GABRG3: variants seen among roughly 807,000 people sequenced by gnomAD.
The protein encoded by GABRG3 is gamma-aminobutyric acid receptor subunit gamma-3.
In GABRG3, 25 loss-of-function variants were observed where a neutral mutation model predicts 48.8. That is an observed-to-expected ratio of 0.51 (90% CI 0.37 to 0.72). GABRG3 has a LOEUF of 0.72. Ranked by LOEUF, GABRG3 falls within the 30% of genes least tolerant of loss-of-function variation. GABRG3 has a pLI of 0.00. For missense variants in GABRG3, 394 were observed against 577.9 expected, an observed-to-expected ratio of 0.68 and a Z score of 3.26; for synonymous variants, 227 against 217.6, an observed-to-expected ratio of 1.04 and a Z score of -0.38.
intron 3 of GABRG3, among the ~76,000 whole-genome samples, chr15:27,263,865 G>T (rs1890835786): frequency 1.3e-5 from 2 of 151,604 alleles, no homozygotes; most frequent in Admixed American, 1.3e-4. Context: ...GGCGGAGCTT[G>T]TAGTGAGCCG....
chr15:27,387,706 G>GT (rs1895967297), intron 5 of GABRG3, among the ~76,000 whole-genome samples: 1 of 149,002 alleles, frequency 6.7e-6, no homozygotes, highest in South Asian at 2.1e-4. Flanking sequence ...GCAGGCCTCT[G>GT]TCCCCCAGTC....
At chr15:27,066,628 G>C (rs1896742287) in intron 3 of GABRG3, among the ~76,000 whole-genome samples, 1 of 152,126 alleles carries the variant, frequency 6.6e-6, no homozygotes, top group Non-Finnish European at 1.5e-5. Context: ...AGACCTCTTA[G>C]TCTGAGAGCA....
Position 27,538,939 on chromosome 15 carries a change from A to C in GABRG3, c.*6058A>C, listed in dbSNP as rs1891607333. 1 of 152,140 alleles carries C rather than the reference A, an allele frequency of 6.6e-6. No homozygotes were observed. The highest frequency in any genetic ancestry group is 1.5e-5 in the Non-Finnish European group (1 of 68,024). 9.4% of individuals were successfully genotyped at this position (152,140 alleles called of 1,614,324 possible). The stretch of plus-strand genomic sequence containing the variant: ...GATACATGAGCGAGCCCACAGCACA[A>C]TTATTGCAGTCCCCAAGATGTCAGT... On this transcript the variant is annotated 3_prime_UTR_variant, in exon 10 of 10. Transcript: ENST00000615808.
At chr15:27,329,980 G>C (rs1033336976) in intron 5 of GABRG3, among the ~76,000 whole-genome samples, 1 of 152,142 alleles carries the variant, frequency 6.6e-6, no homozygotes, top group African/African-American at 2.4e-5. Context: ...GGTGGCTCAC[G>C]CCTGTAATCC....
intron 3 of GABRG3, among the ~76,000 whole-genome samples, chr15:27,312,234 T>C (rs1893021514): frequency 6.6e-6 from 1 of 151,992 alleles, no homozygotes; most frequent in Non-Finnish European, 1.5e-5. Flanking sequence ...TGAAGACAGG[T>C]CACTGAAGAT....
chr15:27,309,194 T>C (rs1469982355), intron 3 of GABRG3, among the ~76,000 whole-genome samples: 1 of 147,428 alleles, frequency 6.8e-6, no homozygotes, highest in African/African-American at 2.5e-5. Flanking sequence ...ACACATATAA[T>C]GTAAACATAG....
chr15:27,171,772 A>G (rs1887580744), intron 3 of GABRG3, among the ~76,000 whole-genome samples: 1 of 152,052 alleles, frequency 6.6e-6, no homozygotes, highest in African/African-American at 2.4e-5. Flanking sequence ...CTGCCTTTCT[A>G]TGTGCAGTGA....
intron 3 of GABRG3, among the ~76,000 whole-genome samples, chr15:27,162,013 C>T (rs1887210313): frequency 6.6e-6 from 1 of 151,926 alleles, no homozygotes; most frequent in Non-Finnish European, 1.5e-5. Flanking sequence ...CTTACACATA[C>T]ACTATAATTT....
In GABRG3 at chr15:26,976,373, GC is replaced by G. The variant is rs1422874844; in HGVS notation, c.54-628del. 6.6e-6 allele frequency among the ~76,000 whole-genome samples: 1 copy of G among 152,220 alleles called. No homozygotes were observed. The highest frequency in any genetic ancestry group is 1.5e-5 in the Non-Finnish European group (1 of 68,034). ...GATGAATCAGTTTGTGTTGACCGAG[GC>G]GTGCAAGATTGCTAGAGGGTCTTCA... On this transcript the variant is annotated intron_variant, in intron 1 of 9. Coordinates refer to ENST00000615808, the MANE Select transcript of GABRG3 (RefSeq NM_033223.5). This position sits in a 1 kb window ranked among gnomAD's most constrained non-coding sequence, Gnocchi z 7.8.
At position 26,977,066 on chromosome 15, in the gene GABRG3, C is replaced by G; in HGVS notation, c.118C>G (p.Pro40Ala). ...SSSNQKWVLA[P>A]KSQDTDVTLI... is the part of the protein sequence containing the mutation. ...ATCAAACCAAAAGTGGGTCTTGGCTCCAAAATCCCAAGACACCGACGTGAC... is the reference window on the plus strand; with the variant it reads ...ATCAAACCAAAAGTGGGTCTTGGCTGCAAAATCCCAAGACACCGACGTGAC... Residue 40 changes from proline to alanine, a missense_variant, in exon 2 of 10, where the codon CCA becomes GCA. Physicochemically the swap from Pro to Ala is conservative, Grantham distance 27 (BLOSUM62 -1). Coordinates refer to ENST00000615808, the MANE Select transcript of GABRG3 (RefSeq NM_033223.5). The G allele has an allele frequency of 6.2e-7, 1 of 1,613,798 alleles. No homozygotes were observed. The highest frequency in any genetic ancestry group is 8.5e-7 in the Non-Finnish European group (1 of 1,179,798).
intron 3 of GABRG3, among the ~76,000 whole-genome samples, chr15:27,324,957 G>C (rs1165370894): frequency 8.3e-6 from 1 of 120,414 alleles, no homozygotes; most frequent in African/African-American, 4.6e-5. Flanking sequence ...CCATTTAGAG[G>C]CTTTAGCAAT....
chr15:27,272,912 G>A (rs1269929281), intron 3 of GABRG3, among the ~76,000 whole-genome samples: 5 of 152,184 alleles, frequency 3.3e-5, no homozygotes, highest in African/African-American at 1.2e-4. Context: ...GGCATTGAAA[G>A]ATTCTGTCAT....
At chr15:27,225,578 T>C (rs1462288159) in intron 3 of GABRG3, among the ~76,000 whole-genome samples, 1 of 152,124 alleles carries the variant, frequency 6.6e-6, no homozygotes, top group Non-Finnish European at 1.5e-5. Context: ...GTTCATTCCC[T>C]CTATGCTTCC....
At chr15:27,168,492 C>A (rs1887455886) in intron 3 of GABRG3, among the ~76,000 whole-genome samples, 1 of 152,006 alleles carries the variant, frequency 6.6e-6, no homozygotes, top group Non-Finnish European at 1.5e-5. Context: ...GTTTGTGACA[C>A]CCCCCCACCC....
At chr15:27,190,373 G>C (rs1888252010) in intron 3 of GABRG3, among the ~76,000 whole-genome samples, 1 of 152,172 alleles carries the variant, frequency 6.6e-6, no homozygotes, top group African/African-American at 2.4e-5. Flanking sequence ...TTTTTGGTTG[G>C]TAAGCTATTG....
Position 27,256,461 on chromosome 15 carries a change from C to G in GABRG3, c.271-70348C>G, listed in dbSNP as rs1423792785. On this transcript the variant is annotated intron_variant, in intron 3 of 9. Transcript: ENST00000615808. ...GTCTCAAAAAAAAAAAAAAAGAAAA[C>G]AAACCCAAATTTTAGGCTCTTATGT... Among the ~76,000 whole-genome samples the G allele has an allele frequency of 3.4e-5, 4 of 117,860 alleles. No individual in the cohort carries two copies. In the Admixed American group the frequency reaches 3.8e-4, roughly 11 times the overall value. 77.3% of individuals were successfully genotyped at this position (117,860 alleles called of 152,430 possible). A position where few individuals can be genotyped will look rare whatever the true frequency, so the allele number is the denominator to read the frequency against.
chr15:27,468,311 A>C (rs1006360962), intron 5 of GABRG3, among the ~76,000 whole-genome samples: 5 of 152,208 alleles, frequency 3.3e-5, no homozygotes, highest in African/African-American at 4.8e-5. Flanking sequence ...TTCTTTAACC[A>C]AGTGGTGGAA....
intron 3 of GABRG3, among the ~76,000 whole-genome samples, chr15:27,263,819 C>G (rs965476699): frequency 6.6e-6 from 1 of 151,588 alleles, no homozygotes; most frequent in East Asian, 1.9e-4. Flanking sequence ...CCCGCTGCTC[C>G]GGAGGCTGAG....
At chr15:27,405,761 G>A (rs748051037) in intron 5 of GABRG3, among the ~76,000 whole-genome samples, 21 of 151,908 alleles carry the variant, frequency 1.4e-4, no homozygotes, top group Non-Finnish European at 1.6e-4. Context: ...GTAGCAATGA[G>A]TACACCCAGC....
Sources: allele counts gnomAD v4.1 joint callset (sites outside exome capture counted in the v4.1 genomes callset), GRCh38; gene constraint gnomAD v4.1.1; non-coding constraint Gnocchi (gnomAD v3.1); transcripts MANE v1.5; gene names NCBI Gene and HGNC (gene_info 2026-07-23, HGNC 2026-07-21).